LRRC66: variants seen among roughly 807,000 people sequenced by gnomAD.
LRRC66 encodes the protein leucine-rich repeat-containing protein 66.
Under a neutral mutation model 24.6 loss-of-function variants are expected in LRRC66, and 29 were observed. The ratio of observed to expected loss-of-function variants is 1.18; its 90% CI spans 0.88 to 1.61. The LOEUF (loss-of-function observed/expected upper bound fraction) is 1.61, where lower values mean the gene tolerates loss of function less well. Among genes scored for constraint, LRRC66 ranks in the 40% most tolerant of loss-of-function variants. The pLI is 0.00. For missense variants in LRRC66, 1,124 were observed against 1,058.0 expected (o/e 1.06, Z -0.87); for synonymous variants, 411 against 397.6 (o/e 1.03, Z -0.40).
chr4:52,018,145 A>C, intron 1 of LRRC66: 1 of 985,456 alleles, frequency 1.0e-6, no homozygotes, highest in Non-Finnish European at 1.2e-6. Flanking sequence ...GACTAGAAGA[A>C]ATACAAGTTT....
At position 51,994,778 on chromosome 4, in the gene LRRC66, C is replaced by T. The variant is rs76309529; in HGVS notation, c.2244G>A (p.Thr748=). 3.2e-4 allele frequency: 509 copies of T among 1,614,200 alleles called. No individual in the cohort carries two copies. In the African/African-American group the frequency reaches 5.9e-3, roughly 19 times the overall value. ...CATTTTCCTCAAGACTGTCTACAGC[C>T]GTCACATTGTCCTTGCTTGCCCCTG... ...ESSGASKDNV[T]AVDSLEENVT... The change falls in exon 5 of 5, where the codon ACG becomes ACA. Residue 748 remains threonine (T), a synonymous_variant. Coordinates refer to ENST00000682860, the MANE Select transcript of LRRC66 (RefSeq NM_001024611.3).
Position 51,995,903 on chromosome 4 carries a change from C to T in LRRC66, c.1119G>A (p.Gln373=). 6.2e-7 allele frequency: 1 copy of T among 1,614,166 alleles called. No individual in the cohort carries two copies. The highest frequency in any genetic ancestry group is 8.5e-7 in the Non-Finnish European group (1 of 1,180,028). Residue 373 remains glutamine, a synonymous_variant, in exon 5 of 5, where the codon CAG becomes CAA. Coordinates refer to ENST00000682860, the MANE Select transcript of LRRC66 (RefSeq NM_001024611.3). ...QAAGKKEDAP[Q]DLALAVCLSV... ...ACAGGCACACCGCCAGAGCCAGGTC[C>T]TGGGGAGCGTCCTCTTTTTTGCCGG... is the stretch of plus-strand genomic sequence containing the variant.
At chr4:52,012,481 T>C (rs1194726833) in intron 2 of LRRC66, among the ~76,000 whole-genome samples, 1 of 152,226 alleles carries the variant, frequency 6.6e-6, no homozygotes, top group Non-Finnish European at 1.5e-5. Context: ...CTGGTTTGTA[T>C]AGCGTCTCTC....
intron 1 of LRRC66, chr4:52,018,160 G>A: frequency 1.0e-6 from 1 of 985,334 alleles, no homozygotes; most frequent in Non-Finnish European, 1.2e-6. Context: ...AAGTTTTGCT[G>A]TGTGGCTTGT....
At position 51,996,099 on chromosome 4, in the gene LRRC66, A is replaced by G. The variant is rs765459284; in HGVS notation, c.923T>C (p.Ile308Thr). ...RISRETRLPP[I>T]HLHRMKSLIR... ...GAGGCTTTTCATGCGATGCAGATGAATGGGAGGAAGGCGGGTTTCCCTGGA... is the reference window on the plus strand; with the variant it reads ...GAGGCTTTTCATGCGATGCAGATGAGTGGGAGGAAGGCGGGTTTCCCTGGA... The change falls in exon 5 of 5, where the codon ATT becomes ACT. Residue 308 changes from isoleucine (I) to threonine (T), a missense_variant. Physicochemically the swap from Ile to Thr is moderately conservative, Grantham distance 89. Coordinates refer to ENST00000682860, the MANE Select transcript of LRRC66 (RefSeq NM_001024611.3). The G allele has an allele frequency of 1.9e-6, 3 of 1,614,076 alleles. No homozygotes were observed. Among genetic ancestry groups the G allele is most frequent in the Non-Finnish European group, 2.5e-6 (3 of 1,180,000 alleles).
Position 51,995,332 on chromosome 4 carries a change from C to T in LRRC66, c.1690G>A (p.Ala564Thr), listed in dbSNP as rs751669990. ...TCATAACGGCTTGAGCCAGAGACAG[C>T]GTGAGACGTGCCAGCTACAGAAGAG... ...GVSSVAGTSH[A>T]VSGSSRYDSN... Residue 564 changes from alanine to threonine, a missense_variant, in exon 5 of 5, where the codon GCT becomes ACT. Ala to Thr is a moderately conservative substitution (Grantham distance 58). Transcript: ENST00000682860. The T allele has an allele frequency of 5.0e-6, 8 of 1,614,010 alleles. No homozygotes were observed. The East Asian group carries it at 1.6e-4, about 31-fold the overall frequency.
At chr4:52,004,223 G>A (rs1029483059) in intron 2 of LRRC66, among the ~76,000 whole-genome samples, 1 of 152,124 alleles carries the variant, frequency 6.6e-6, no homozygotes, top group Non-Finnish European at 1.5e-5. Flanking sequence ...TGGTCAGGTT[G>A]GTCTCGAACT....
rs560040126 is a variant in LRRC66, at chr4:51,995,340, G to A, written c.1682C>T (p.Thr561Met). ...HSVGVSSVAG[T>M]SHAVSGSSRY... ...GCTTGAGCCAGAGACAGCGTGAGAC[G>A]TGCCAGCTACAGAAGAGACGCCCAC... The change falls in exon 5 of 5, where the codon ACG becomes ATG. Residue 561 changes from threonine (T) to methionine (M), a missense_variant. Coordinates refer to ENST00000682860, the MANE Select transcript of LRRC66 (RefSeq NM_001024611.3). The A allele has an allele frequency of 1.9e-6, 3 of 1,614,048 alleles. No individual in the cohort carries two copies. Among genetic ancestry groups the A allele is most frequent in the Middle Eastern group, 1.6e-4 (1 of 6,084 alleles).
chr4:52,012,700 TG>T (rs1736729996), intron 2 of LRRC66, among the ~76,000 whole-genome samples: 1 of 152,138 alleles, frequency 6.6e-6, no homozygotes, highest in Non-Finnish European at 1.5e-5. Flanking sequence ...AGTTGAATGC[TG>T]GGAGGAAAAT....
chr4:51,995,683 G>C lies in LRRC66; in HGVS notation c.1339C>G (p.Pro447Ala). The C allele has an allele frequency of 6.2e-7, 1 of 1,614,162 alleles. No individual in the cohort carries two copies. The highest frequency in any genetic ancestry group is 8.5e-7 in the Non-Finnish European group (1 of 1,180,020). ...HPETHLRQVF[P>A]HLSLYENQTP... is the part of the protein sequence containing the mutation. The stretch of plus-strand genomic sequence containing the variant: ...TGGTTCTCGTAGAGGCTTAGATGAG[G>C]AAATACTTGGCGCAGATGGGTCTCT... The change falls in exon 5 of 5, where the codon CCT becomes GCT. Residue 447 changes from proline (P) to alanine (A), a missense_variant. Transcript: ENST00000682860.
intron 3 of LRRC66, among the ~76,000 whole-genome samples, chr4:51,998,622 T>C (rs1189232508): frequency 6.6e-6 from 1 of 152,174 alleles, no homozygotes; most frequent in East Asian, 1.9e-4. Flanking sequence ...ATTCAGTACA[T>C]GCAGTATGAC....
chr4:52,000,135 C>T (rs775315474), intron 3 of LRRC66, among the ~76,000 whole-genome samples: 9 of 152,058 alleles, frequency 5.9e-5, no homozygotes, highest in Admixed American at 2.6e-4. Flanking sequence ...GCCAAACATG[C>T]AGAAGGGATA....
At chr4:52,011,646 G>A (rs1736706298) in intron 2 of LRRC66, among the ~76,000 whole-genome samples, 1 of 152,124 alleles carries the variant, frequency 6.6e-6, no homozygotes, top group Non-Finnish European at 1.5e-5. Context: ...ACGATCAAGT[G>A]GCACTAAAGG....
chr4:52,003,293 T>A lies in LRRC66; in HGVS notation c.596A>T (p.Asn199Ile). The A allele has an allele frequency of 6.2e-7, 1 of 1,614,022 alleles. No homozygotes were observed. Among genetic ancestry groups the A allele is most frequent in the East Asian group, 2.2e-5 (1 of 44,856 alleles). The part of the protein sequence containing the change: ...SDFHNCLQLE[N>I]LCLKSNKIFK... ...TATCTTGTTGCTCTTTAAACAGAGATTCTCCAGTTGCAGGCAGTTGTGAAA... is the reference window on the plus strand; with the variant it reads ...TATCTTGTTGCTCTTTAAACAGAGAATCTCCAGTTGCAGGCAGTTGTGAAA... Residue 199 changes from asparagine to isoleucine, a missense_variant, in exon 3 of 5, where the codon AAT becomes ATT. By Grantham distance (149) the Asn-to-Ile change is moderately radical (BLOSUM62 -3). Transcript: ENST00000682860.
intron 3 of LRRC66, among the ~76,000 whole-genome samples, chr4:51,999,932 A>G (rs1285650655): frequency 6.6e-6 from 1 of 152,232 alleles, no homozygotes; most frequent in Non-Finnish European, 1.5e-5. Context: ...ATTTCATCCC[A>G]TCAAAGCATG....
At chr4:51,998,230 C>A (rs748934505) in intron 3 of LRRC66, among the ~76,000 whole-genome samples, 2 of 152,186 alleles carry the variant, frequency 1.3e-5, no homozygotes, top group Non-Finnish European at 2.9e-5. Context: ...TAATCATTTT[C>A]TCTTCCTTCT....
At chr4:51,997,606 A>G (rs994697761) in intron 4 of LRRC66, 142 bp downstream of exon 4, 13 of 688,018 alleles carry the variant, frequency 1.9e-5, no homozygotes, top group Middle Eastern at 3.1e-4. Context: ...TGATTTTTCT[A>G]TGACACAGCC....
chr4:52,001,350 G>A (rs940041617), intron 3 of LRRC66, among the ~76,000 whole-genome samples: 1 of 152,182 alleles, frequency 6.6e-6, no homozygotes, highest in Non-Finnish European at 1.5e-5. Context: ...AGCAAGTGGG[G>A]AGGACTTGAG....
rs748912625 is a variant in LRRC66 at position 52,017,321 on chromosome 4, G to T, written c.293C>A (p.Ser98Ter). Reference protein sequence around the residue: ...KHLDLSNNLISKITLSPFAYL... With the variant: ...KHLDLSNNLI ...TGCAAAAGGGCTTAAGGTTATTTTTGATATGAGATTGTTACTGAGGTCCAG... is the reference window on the plus strand; with the variant it reads ...TGCAAAAGGGCTTAAGGTTATTTTTTATATGAGATTGTTACTGAGGTCCAG... Residue 98 changes from serine (S) to a stop codon, truncating the protein, a stop_gained, in exon 2 of 5, where the codon TCA (serine) becomes TAA (stop). Transcript: ENST00000682860. LOFTEE classifies it high-confidence loss of function. 1.5e-5 allele frequency: 25 copies of T among 1,613,946 alleles called. No homozygotes were observed. Among genetic ancestry groups the T allele is most frequent in the Non-Finnish European group, 2.1e-5 (25 of 1,179,980 alleles).
Sources: gnomAD v4.1 joint callset for allele counts (sites outside exome capture counted in the v4.1 genomes callset) on GRCh38, gnomAD v4.1.1 for gene constraint, MANE v1.5 for transcripts, NCBI Gene and HGNC (gene_info 2026-07-23, HGNC 2026-07-21) for gene names.